KIRREL3: variants seen among roughly 807,000 people sequenced by gnomAD.
KIRREL3 encodes kirre like nephrin family adhesion molecule 3.
Under a neutral mutation model 89.7 loss-of-function variants are expected in KIRREL3, and 36 were observed. The observed-to-expected ratio is 0.40, with a 90% confidence interval of 0.31 to 0.53. The LOEUF (loss-of-function observed/expected upper bound fraction) is 0.53. Ranked by LOEUF, KIRREL3 falls within the 20% of genes least tolerant of loss-of-function variation. The pLI is 0.49. For missense variants in KIRREL3, 864 were observed against 1,056.6 expected, an observed-to-expected ratio of 0.82 and a Z score of 2.53; for synonymous variants, 445 against 441.4, an observed-to-expected ratio of 1.01 and a Z score of -0.10.
intron 1 of KIRREL3, chr11:126,992,485 C>T (rs4937223): frequency 0.47 from 70,829 of 152,156 alleles, 18,392 homozygotes; most frequent in African/African-American, 0.7. Flanking sequence ...CTTGTCCTGC[C>T]AGCCTCCACC....
Position 126,519,041 on chromosome 11 carries a change from G to C in KIRREL3, c.433+2274C>G, listed in dbSNP as rs566141472. Among the ~76,000 whole-genome samples, 1 of 152,222 alleles carries C rather than the reference G, an allele frequency of 6.6e-6. No individual in the cohort carries two copies. The highest frequency in any genetic ancestry group is 1.5e-5 in the Non-Finnish European group (1 of 68,036). ...CCTTTCTGGCTCTCAGGAATTTCAC[G>C]GAGGGGACCCTGCTGGGGATCATGG... On this transcript the variant is annotated intron_variant, in intron 4 of 16. Transcript: ENST00000525144. This position sits in a 1 kb window ranked among gnomAD's most constrained non-coding sequence, Gnocchi z 4.3.
At position 126,969,580 on chromosome 11, in the gene KIRREL3, G is replaced by A. The variant is rs1374488237; in HGVS notation, c.55+30875C>T. ...GAGCCAGCCAAGCAATCCCACAGGA[G>A]AACACAAGAAATATCCCCACGGCAC... On this transcript the variant is annotated intron_variant, in intron 1 of 16. Transcript: ENST00000525144. This position sits in a 1 kb window ranked among gnomAD's most constrained non-coding sequence, Gnocchi z 4.9. 6.6e-6 allele frequency among the ~76,000 whole-genome samples: 1 copy of A among 152,130 alleles called. No individual in the cohort carries two copies. The highest frequency in any genetic ancestry group is 1.5e-5 in the Non-Finnish European group (1 of 68,024).
At position 126,429,310 on chromosome 11, in the gene KIRREL3, G is replaced by A. The variant is rs375566225; in HGVS notation, c.1697-22C>T. On this transcript the variant is annotated intron_variant, in intron 14 of 16. Transcript: ENST00000525144. This position sits in a 1 kb window ranked among gnomAD's most constrained non-coding sequence, Gnocchi z 5.2. Reference sequence around the variant, plus strand: ...AGATCTGGAGATAAAATAGTAAAGTGTAGATGATAGATTTAGTTCTTACCT... The same window carrying A: ...AGATCTGGAGATAAAATAGTAAAGTATAGATGATAGATTTAGTTCTTACCT... The A allele has an allele frequency of 6.6e-7, 1 of 1,524,552 alleles. No homozygotes were observed. The allele number at this position is 1,524,552 out of a possible 1,614,324, so 94.4% of individuals were successfully genotyped here.
Position 126,740,672 on chromosome 11 carries a change from G to A in KIRREL3, c.56-177760C>T, listed in dbSNP as rs552867021. 6.6e-6 allele frequency among the ~76,000 whole-genome samples: 1 copy of A among 152,284 alleles called. No homozygotes were observed. Among genetic ancestry groups the A allele is most frequent in the East Asian group, 1.9e-4 (1 of 5,182 alleles). ...CCAAGGGGGAGGTGCTAGTAGAGGG[G>A]CTCTAGTAGGGTGTCTTGATGGGGC... is the stretch of plus-strand genomic sequence containing the variant. On this transcript the variant is annotated intron_variant, in intron 1 of 16. Coordinates refer to ENST00000525144, the MANE Select transcript of KIRREL3 (RefSeq NM_032531.4). The surrounding 1 kb of genome is among the most constrained non-coding windows in gnomAD (Gnocchi z 6.0).
At chr11:126,451,456 G>A (rs111174015) in intron 7 of KIRREL3, among the ~76,000 whole-genome samples, 4,899 of 148,826 alleles carry the variant, frequency 0.033, 296 homozygotes, top group African/African-American at 0.12. Context: ...AAGTGCATGC[G>A]CATGTGTGGG....
chr11:126,608,346 C>T lies in KIRREL3; in HGVS notation c.56-45434G>A, dbSNP rs1305121983. Among the ~76,000 whole-genome samples the T allele has an allele frequency of 6.6e-6, 1 of 152,222 alleles. No homozygotes were observed. Among genetic ancestry groups the T allele is most frequent in the Non-Finnish European group, 1.5e-5 (1 of 68,036 alleles). On this transcript the variant is annotated intron_variant, in intron 1 of 16. Transcript: ENST00000525144. The surrounding 1 kb of genome is among the most constrained non-coding windows in gnomAD (Gnocchi z 4.9). ...TTAGTGCAGGCCCAACTTCTGACTT[C>T]CTGTGCGGGGGCTCCTCCTCTAGCC...
intron 1 of KIRREL3, among the ~76,000 whole-genome samples, chr11:126,899,896 C>T (rs1946304733): frequency 6.6e-6 from 1 of 152,190 alleles, no homozygotes; most frequent in Non-Finnish European, 1.5e-5. Context: ...CAAGTGGAGA[C>T]TCTGGAAGAG....
chr11:126,840,134 A>G (rs948624437), intron 1 of KIRREL3, among the ~76,000 whole-genome samples: 1 of 152,176 alleles, frequency 6.6e-6, no homozygotes, highest in East Asian at 1.9e-4. Context: ...GCCTTTTCAC[A>G]CTATATTGGA....
At chr11:126,972,614 C>T (rs1049102790) in intron 1 of KIRREL3, among the ~76,000 whole-genome samples, 1 of 152,196 alleles carries the variant, frequency 6.6e-6, no homozygotes, top group African/African-American at 2.4e-5. Context: ...ATTATTTAGG[C>T]CACCACAGAG....
chr11:126,442,851 C>T (rs1352615795), intron 10 of KIRREL3, among the ~76,000 whole-genome samples: 1 of 152,248 alleles, frequency 6.6e-6, no homozygotes, highest in Non-Finnish European at 1.5e-5. Context: ...CTTTGCTTCC[C>T]TCCAATCCCT....
intron 1 of KIRREL3, among the ~76,000 whole-genome samples, chr11:126,928,615 G>A (rs1947815428): frequency 6.6e-6 from 1 of 152,242 alleles, no homozygotes; most frequent in South Asian, 2.1e-4. Context: ...TATTTCAGAA[G>A]TGTTAGCCAT....
rs488054 is a variant in KIRREL3 at position 126,994,498 on chromosome 11, G to A, written c.55+5957C>T. ...GTTCATAGTGGTGTTGACTGTGTAC[G>A]CACTGAAACATTGTATGCTTATGGA... On this transcript the variant is annotated intron_variant, in intron 1 of 16. Coordinates refer to ENST00000525144, the MANE Select transcript of KIRREL3 (RefSeq NM_032531.4). The surrounding 1 kb of genome is among the most constrained non-coding windows in gnomAD (Gnocchi z 5.2). Among the ~76,000 whole-genome samples, 30 of 152,208 alleles carry A rather than the reference G, an allele frequency of 2.0e-4. No homozygotes were observed. Among genetic ancestry groups the A allele is most frequent in the Non-Finnish European group, 3.2e-4 (22 of 68,030 alleles).
At chr11:126,452,933 G>A (rs780731027) in intron 7 of KIRREL3, among the ~76,000 whole-genome samples, 169 of 152,102 alleles carry the variant, frequency 1.1e-3, no homozygotes, top group Admixed American at 2.2e-3. Context: ...CTGCATCCAC[G>A]CAGCTGGCCA....
rs940755787 is a variant in KIRREL3, at chr11:126,566,608, A to C, written c.56-3696T>G. 2.0e-5 allele frequency among the ~76,000 whole-genome samples: 3 copies of C among 152,198 alleles called. No individual in the cohort carries two copies. Among genetic ancestry groups the C allele is most frequent in the Non-Finnish European group, 4.4e-5 (3 of 68,038 alleles). On this transcript the variant is annotated intron_variant, in intron 1 of 16. Transcript: ENST00000525144. This position sits in a 1 kb window ranked among gnomAD's most constrained non-coding sequence, Gnocchi z 4.9. ...GTGAATGAAACTTGTAGCTCATTGG[A>C]AGAGAAGCCTAGATAACATAGTGGG...
rs1177250220 is a variant in KIRREL3 at position 126,454,463 on chromosome 11, G to A, written c.848+1886C>T. 6.6e-6 allele frequency among the ~76,000 whole-genome samples: 1 copy of A among 152,188 alleles called. No individual in the cohort carries two copies. Among genetic ancestry groups the A allele is most frequent in the Non-Finnish European group, 1.5e-5 (1 of 68,016 alleles). On this transcript the variant is annotated intron_variant, in intron 7 of 16. Transcript: ENST00000525144. This position sits in a 1 kb window ranked among gnomAD's most constrained non-coding sequence, Gnocchi z 5.8. Reference sequence around the variant, plus strand: ...AGGCATTCTAAGGGTGGCTGTGAGGGTGAATAGGGGTGCTTGCCGGGTGGT... The same window carrying A: ...AGGCATTCTAAGGGTGGCTGTGAGGATGAATAGGGGTGCTTGCCGGGTGGT...
rs1945910189 is a variant in KIRREL3 at position 126,891,293 on chromosome 11, C to T, written c.55+109162G>A. On this transcript the variant is annotated intron_variant, in intron 1 of 16. Coordinates refer to ENST00000525144, the MANE Select transcript of KIRREL3 (RefSeq NM_032531.4). This position sits in a 1 kb window ranked among gnomAD's most constrained non-coding sequence, Gnocchi z 5.1. Reference sequence around the variant, plus strand: ...TTATATCAAAAAGATCCTGGGATATCAAAATATCACTGTCTGACTCTGATA... The same window carrying T: ...TTATATCAAAAAGATCCTGGGATATTAAAATATCACTGTCTGACTCTGATA... Among the ~76,000 whole-genome samples, 1 of 152,122 alleles carries T rather than the reference C, an allele frequency of 6.6e-6. No homozygotes were observed. The highest frequency in any genetic ancestry group is 1.5e-5 in the Non-Finnish European group (1 of 68,024).
chr11:126,864,484 G>C (rs939185249), intron 1 of KIRREL3, among the ~76,000 whole-genome samples: 1 of 152,182 alleles, frequency 6.6e-6, no homozygotes, highest in African/African-American at 2.4e-5. Context: ...GCACAGTTCT[G>C]GAATTCTTAT....
chr11:126,852,564 T>C (rs1944379370), intron 1 of KIRREL3, among the ~76,000 whole-genome samples: 1 of 152,170 alleles, frequency 6.6e-6, no homozygotes. Context: ...TCAACCAGCA[T>C]TGTGACTCCA....
rs1943010494 is a variant in KIRREL3, at chr11:126,609,048, A to G, written c.56-46136T>C. On this transcript the variant is annotated intron_variant, in intron 1 of 16. Coordinates refer to ENST00000525144, the MANE Select transcript of KIRREL3 (RefSeq NM_032531.4). The surrounding 1 kb of genome is among the most constrained non-coding windows in gnomAD (Gnocchi z 5.0). ...AATTAGTATGCTAGGAGAATGGAAA[A>G]CTAACCCGGAGACAGGGCTAAAGTT... Among the ~76,000 whole-genome samples the G allele has an allele frequency of 6.6e-6, 1 of 152,148 alleles. No individual in the cohort carries two copies. The highest frequency in any genetic ancestry group is 1.5e-5 in the Non-Finnish European group (1 of 68,028).
Sources: allele counts gnomAD v4.1 joint callset (sites outside exome capture counted in the v4.1 genomes callset), GRCh38; gene constraint gnomAD v4.1.1; non-coding constraint Gnocchi (gnomAD v3.1); transcripts MANE v1.5; gene names NCBI Gene and HGNC (gene_info 2026-07-23, HGNC 2026-07-21).